Variants in RUNX3 observed in about 807,000 individuals in gnomAD.
RUNX3 encodes runt-related transcription factor 3.
In RUNX3, 10 loss-of-function variants were observed where a neutral mutation model predicts 27.7. That is an observed-to-expected ratio of 0.36 (90% CI 0.22 to 0.61). The LOEUF is 0.61. RUNX3 is among the 20% of genes least tolerant of loss of function. RUNX3 has a pLI of 0.72. For missense variants in RUNX3, 469 were observed against 629.5 expected (o/e 0.75, Z 2.73); for synonymous variants, 270 against 269.2 (o/e 1.00, Z -0.03).
Position 24,910,856 on chromosome 1 carries a change from C to A in RUNX3, c.545-3439G>T, listed in dbSNP as rs561611882. 4.6e-5 allele frequency among the ~76,000 whole-genome samples: 7 copies of A among 152,244 alleles called. No individual in the cohort carries two copies. The East Asian group carries it at 1.4e-3, about 29-fold the overall frequency. Reference sequence around the variant, plus strand: ...CAAAGGGGAAAACATGGGCTGGGGGCGAGTTTAGCTGGAGCTGGGGCTGCA... The same window carrying A: ...CAAAGGGGAAAACATGGGCTGGGGGAGAGTTTAGCTGGAGCTGGGGCTGCA... On this transcript the variant is annotated intron_variant, in intron 3 of 4. Coordinates refer to ENST00000308873, the MANE Select transcript of RUNX3 (RefSeq NM_004350.3).
chr1:24,926,456 A>G (rs1303414218), intron 2 of RUNX3, among the ~76,000 whole-genome samples: 1 of 152,274 alleles, frequency 6.6e-6, no homozygotes, highest in Non-Finnish European at 1.5e-5. Context: ...TCAGTTTCAT[A>G]AAAAGTAACA....
intron 2 of RUNX3, among the ~76,000 whole-genome samples, chr1:24,953,520 G>A (rs1179934905): frequency 6.6e-6 from 1 of 151,718 alleles, no homozygotes; most frequent in Non-Finnish European, 1.5e-5. Context: ...AAAAAATTCA[G>A]TTCCTCAGTT....
At chr1:24,933,221 T>C (rs941906374), upstream of RUNX3, among the ~76,000 whole-genome samples, 1 of 152,204 alleles carries the variant, frequency 6.6e-6, no homozygotes, top group Non-Finnish European at 1.5e-5. Context: ...CCACAGTCCC[T>C]CTGCCTGAGC....
chr1:24,902,257 G>A lies in RUNX3; in HGVS notation c.1113C>T (p.Val371=), dbSNP rs1193095580. Residue 371 remains valine (V), a synonymous_variant, in exon 5 of 5, where the codon GTC becomes GTT. Transcript: ENST00000308873. This position sits in a 1 kb window ranked among gnomAD's most constrained non-coding sequence, Gnocchi z 9.2. ...TGGGGTTCATGAGGTTGCCGGCGGC[G>A]ACAGAGGCAGCGCTGCTGGTGCAAG... ...LASCTSSAAS[V]AAGNLMNPSL... is the part of the protein sequence containing the mutation. The A allele has an allele frequency of 2.1e-5, 33 of 1,588,694 alleles. No homozygotes were observed. In the Middle Eastern group the frequency reaches 5.6e-4, roughly 27 times the overall value.
rs1474809365 is a variant in RUNX3, at chr1:24,916,962, G to T, written c.544+2278C>A. Among the ~76,000 whole-genome samples, 2 of 152,202 alleles carry T rather than the reference G, an allele frequency of 1.3e-5. No homozygotes were observed. The highest frequency in any genetic ancestry group is 1.5e-5 in the Non-Finnish European group (1 of 68,038). ...AGAAGGGGCCATCTCAGGTCTGGGA[G>T]ACCCAGGCAGGGAAGAGCAGGCAGG... On this transcript the variant is annotated intron_variant, in intron 3 of 4. Transcript: ENST00000308873. This position sits in a 1 kb window ranked among gnomAD's most constrained non-coding sequence, Gnocchi z 4.8.
At chr1:24,948,528 C>T (rs1641671548) in intron 2 of RUNX3, among the ~76,000 whole-genome samples, 1 of 151,646 alleles carries the variant, frequency 6.6e-6, no homozygotes, top group African/African-American at 2.4e-5. Flanking sequence ...AAGGTGGGCA[C>T]ATGCAGGGAA....
chr1:24,927,447 G>A lies in RUNX3; in HGVS notation c.439+127C>T. 1.2e-6 allele frequency: 1 copy of A among 835,868 alleles called. No homozygotes were observed. The highest frequency in any genetic ancestry group is 2.0e-6 in the Non-Finnish European group (1 of 508,524). The allele number at this position is 835,868 out of a possible 1,614,324, so 51.8% of individuals were successfully genotyped here. A position where few individuals can be genotyped will look rare whatever the true frequency, so the allele number is the denominator to read the frequency against. ...GTAATATCCTACAGGATTACAAATTGCTGTTTTTAGACAGAGCTGCATCTG... is the reference window on the plus strand; with the variant it reads ...GTAATATCCTACAGGATTACAAATTACTGTTTTTAGACAGAGCTGCATCTG... On this transcript the variant is annotated intron_variant, in intron 2 of 4. Coordinates refer to ENST00000308873, the MANE Select transcript of RUNX3 (RefSeq NM_004350.3). The surrounding 1 kb of genome is among the most constrained non-coding windows in gnomAD (Gnocchi z 5.0).
At chr1:24,948,996 T>C (rs1378165338) in intron 2 of RUNX3, among the ~76,000 whole-genome samples, 1 of 151,822 alleles carries the variant, frequency 6.6e-6, no homozygotes, top group African/African-American at 2.4e-5. Context: ...CAATGAAAAA[T>C]CTTGGAAAAT....
chr1:24,906,098 A>G (rs1557835993), intron 4 of RUNX3, among the ~76,000 whole-genome samples: 2 of 152,208 alleles, frequency 1.3e-5, no homozygotes, highest in Non-Finnish European at 2.9e-5. Flanking sequence ...TGGCTGCAGC[A>G]CTATGCCTGG....
chr1:24,956,234 C>T (rs1387331282), intron 2 of RUNX3, among the ~76,000 whole-genome samples: 1 of 152,248 alleles, frequency 6.6e-6, no homozygotes, highest in South Asian at 2.1e-4. Flanking sequence ...GGAGCCCCAG[C>T]TTGCCTGTTC....
intron 2 of RUNX3, among the ~76,000 whole-genome samples, chr1:24,921,386 G>T (rs1490518454): frequency 6.6e-6 from 1 of 152,176 alleles, no homozygotes; most frequent in African/African-American, 2.4e-5. Context: ...TAAAGCTCAA[G>T]ACCCACTGAG....
Position 24,902,972 on chromosome 1 carries a change from G to C in RUNX3, c.704-306C>G, listed in dbSNP as rs941228821. On this transcript the variant is annotated intron_variant, in intron 4 of 4. Transcript: ENST00000308873. The surrounding 1 kb of genome is among the most constrained non-coding windows in gnomAD (Gnocchi z 9.2). ...TTAAATCCTCCTTCCCAGCCTCGCA[G>C]AGGAGAGGCCTAGGATGCGGTGGTG... 1.3e-5 allele frequency among the ~76,000 whole-genome samples: 2 copies of C among 152,334 alleles called. No homozygotes were observed. Among genetic ancestry groups the C allele is most frequent in the South Asian group, 4.1e-4 (2 of 4,830 alleles).
At chr1:24,931,198 G>T (rs528512660), upstream of RUNX3, among the ~76,000 whole-genome samples, 53 of 152,388 alleles carry the variant, frequency 3.5e-4, no homozygotes, top group Middle Eastern at 3.4e-3. Flanking sequence ...TCAGAGGAGA[G>T]AATTTTCTTT....
intron 2 of RUNX3, among the ~76,000 whole-genome samples, chr1:24,919,905 A>C (rs113631665): frequency 7.8e-4 from 119 of 151,610 alleles, no homozygotes; most frequent in African/African-American, 2.4e-3. Flanking sequence ...ATTTAACCTC[A>C]CATCAGAAGC....
At position 24,901,921 on chromosome 1, in the gene RUNX3, G is replaced by T. The variant is rs74060466; in HGVS notation, c.*201C>A. ...CGGGGGCAGTATCCCGGGCCGGGGT[G>T]GGGGTGGTAACCTATGCCTCTGTAC... On this transcript the variant is annotated 3_prime_UTR_variant, in exon 5 of 5. Coordinates refer to ENST00000308873, the MANE Select transcript of RUNX3 (RefSeq NM_004350.3). 2.6e-3 allele frequency: 1,399 copies of T among 537,520 alleles called. 9 individuals carry two copies. The highest frequency in any genetic ancestry group is 0.024 in the African/African-American group (1,282 of 52,492). The allele number at this position is 537,520 out of a possible 1,614,324, so 33.3% of individuals were successfully genotyped here.
rs945357282 is a variant in RUNX3 at position 24,923,781 on chromosome 1, C to T, written c.439+3793G>A. ...TTCATCTCTCCCCCAACCAGCGGTT[C>T]CCCTCAGCCTGCACCGGCACACTGC... On this transcript the variant is annotated intron_variant, in intron 2 of 4. Transcript: ENST00000308873. The surrounding 1 kb of genome is among the most constrained non-coding windows in gnomAD (Gnocchi z 5.9). 4.6e-5 allele frequency among the ~76,000 whole-genome samples: 7 copies of T among 152,214 alleles called. No homozygotes were observed. Among genetic ancestry groups the T allele is most frequent in the Non-Finnish European group, 1.0e-4 (7 of 68,036 alleles).
upstream of RUNX3, among the ~76,000 whole-genome samples, chr1:24,933,214 C>T (rs931185386): frequency 1.3e-5 from 2 of 152,218 alleles, no homozygotes; most frequent in African/African-American, 4.8e-5. Context: ...CTGGGGTCCA[C>T]AGTCCCTCTG....
chr1:24,903,365 C>T (rs887356571), intron 4 of RUNX3, among the ~76,000 whole-genome samples: 19 of 152,178 alleles, frequency 1.2e-4, no homozygotes, highest in Admixed American at 5.9e-4. Context: ...GGAGCCGACT[C>T]GTGGCCACAC....
chr1:24,950,908 C>T (rs778682110), intron 2 of RUNX3, among the ~76,000 whole-genome samples: 16 of 152,042 alleles, frequency 1.1e-4, no homozygotes, highest in Admixed American at 9.2e-4. Context: ...GATGTGCTGC[C>T]GTAAGAAGGG....
Sources: allele counts gnomAD v4.1 joint callset (sites outside exome capture counted in the v4.1 genomes callset), GRCh38; gene constraint gnomAD v4.1.1; non-coding constraint Gnocchi (gnomAD v3.1); transcripts MANE v1.5; gene names NCBI Gene and HGNC (gene_info 2026-07-23, HGNC 2026-07-21).